RLF: variants seen among roughly 807,000 people sequenced by gnomAD.
The protein encoded by RLF is zinc finger protein Rlf.
Under a neutral mutation model 162.9 loss-of-function variants are expected in RLF, and 7 were observed. That is an observed-to-expected ratio of 0.04 (90% CI 0.02 to 0.08). The LOEUF is 0.08. RLF is among the 10% of genes least tolerant of loss of function. The pLI is 1.00. For missense variants in RLF, 1,664 were observed against 2,244.7 expected, an observed-to-expected ratio of 0.74 and a Z score of 5.23; for synonymous variants, 782 against 791.5, an observed-to-expected ratio of 0.99 and a Z score of 0.20.
chr1:40,170,202 C>G (rs918607092), intron 1 of RLF, among the ~76,000 whole-genome samples: 1 of 152,038 alleles, frequency 6.6e-6, no homozygotes, highest in African/African-American at 2.4e-5. Context: ...CTGCCTGCCA[C>G]TAGTTTTAAT....
intron 5 of RLF, among the ~76,000 whole-genome samples, chr1:40,207,993 C>G (rs749426509): frequency 6.6e-6 from 1 of 152,194 alleles, no homozygotes; most frequent in African/African-American, 2.4e-5. Context: ...GTGATTCTGT[C>G]CTGGCTCCTA....
intron 3 of RLF, among the ~76,000 whole-genome samples, chr1:40,191,446 G>T (rs1247441939): frequency 6.6e-6 from 1 of 151,850 alleles, no homozygotes; most frequent in African/African-American, 2.4e-5. Flanking sequence ...GCTCAGGCAG[G>T]ATAATCGCTT....
At chr1:40,226,319 G>A (rs1423156556) in intron 6 of RLF, among the ~76,000 whole-genome samples, 2 of 152,160 alleles carry the variant, frequency 1.3e-5, no homozygotes, top group Non-Finnish European at 2.9e-5. Context: ...TTTGAAAAAG[G>A]TGACCATTTT....
At chr1:40,177,232 C>T (rs139323506) in intron 1 of RLF, among the ~76,000 whole-genome samples, 246 of 151,860 alleles carry the variant, frequency 1.6e-3, no homozygotes, top group African/African-American at 5.7e-3. Context: ...GTGATCTGCC[C>T]GTGCTGGGAT....
chr1:40,240,442 T>C lies in RLF; in HGVS notation c.5740T>C (p.Ser1914Pro). 1.2e-6 allele frequency: 2 copies of C among 1,607,286 alleles called. No homozygotes were observed. Among genetic ancestry groups the C allele is most frequent in the Non-Finnish European group, 1.7e-6 (2 of 1,176,322 alleles). Residue 1914 changes from serine (S) to proline (P), a missense_variant, in exon 8 of 8, where the codon TCA becomes CCA. This residue lies in a region of RLF where 27 missense variants were observed against 52.5 expected (regional missense o/e 0.51). Coordinates refer to ENST00000372771, the MANE Select transcript of RLF (RefSeq NM_012421.4). The part of the protein sequence containing the change: ...KKTDELCVGS[S>P] Reference sequence around the variant, plus strand: ...GACAGATGAGCTTTGTGTAGGAAGTTCATAAGTAGCAATTTTGTTTTAGTA... The same window carrying C: ...GACAGATGAGCTTTGTGTAGGAAGTCCATAAGTAGCAATTTTGTTTTAGTA...
At chr1:40,196,152 T>A (rs1052862597) in intron 4 of RLF, among the ~76,000 whole-genome samples, 1 of 151,524 alleles carries the variant, frequency 6.6e-6, no homozygotes, top group Non-Finnish European at 1.5e-5. Context: ...CTCGGCTCAC[T>A]GCAACCTCTG....
intron 4 of RLF, among the ~76,000 whole-genome samples, chr1:40,202,058 T>TA (rs1642725839): frequency 6.6e-6 from 1 of 152,188 alleles, no homozygotes; most frequent in Non-Finnish European, 1.5e-5. Flanking sequence ...TTCCTAACCT[T>TA]AGACTGGGGA....
In RLF at chr1:40,237,843, C is replaced by T. The variant is rs1210588863; in HGVS notation, c.3141C>T (p.Ser1047=). 1 of 1,614,094 alleles carries T rather than the reference C, an allele frequency of 6.2e-7. No homozygotes were observed. The highest frequency in any genetic ancestry group is 2.2e-5 in the East Asian group (1 of 44,884). ...ATCAAGGTTATTCCTCAGAATCCTC[C>T]ATTTGTGCTTCTAAAAGGCCCTGTA... ...REHQGYSSES[S]ICASKRPCTE... The change falls in exon 8 of 8, where the codon TCC becomes TCT. Residue 1047 remains serine (S), a synonymous_variant. Transcript: ENST00000372771. The surrounding 1 kb of genome is among the most constrained non-coding windows in gnomAD (Gnocchi z 4.4).
rs374297731 is a variant in RLF at position 40,173,664 on chromosome 1, T to C, written c.237+12028T>C. Among the ~76,000 whole-genome samples, 13 of 152,062 alleles carry C rather than the reference T, an allele frequency of 8.5e-5. 1 individual carries two copies. Among genetic ancestry groups the C allele is most frequent in the East Asian group, 3.9e-4 (2 of 5,160 alleles). On this transcript the variant is annotated intron_variant, in intron 1 of 7. Transcript: ENST00000372771. ...GAGTAGCTGGGATTACAGGTGTGTG[T>C]CATCACACCCAGCTAATTTTTTGTA...
chr1:40,203,417 C>T (rs765073255), intron 5 of RLF, among the ~76,000 whole-genome samples: 6 of 151,702 alleles, frequency 4.0e-5, no homozygotes, highest in Non-Finnish European at 8.8e-5. Context: ...GTGGTGGGCG[C>T]CTGTAATCCC....
At position 40,238,460 on chromosome 1, in the gene RLF, C is replaced by G. The variant is rs1363182641; in HGVS notation, c.3758C>G (p.Ser1253Cys). Reference protein sequence around the residue: ...HCHPKKDECSSETDLESSCEE... With the variant: ...HCHPKKDECSCETDLESSCEE... ...CATCCTAAAAAGGATGAATGTAGTT[C>G]TGAAACAGATTTGGAATCATCTTGT... The change falls in exon 8 of 8, where the codon TCT (serine) becomes TGT (cysteine). Residue 1253 changes from serine to cysteine, a missense_variant. By Grantham distance (112) the Ser-to-Cys change is moderately radical. This residue lies in a region of RLF where 102 missense variants were observed against 109.5 expected (regional missense o/e 0.93). Transcript: ENST00000372771. This position sits in a 1 kb window ranked among gnomAD's most constrained non-coding sequence, Gnocchi z 5.2. The G allele has an allele frequency of 1.2e-6, 2 of 1,614,052 alleles. No homozygotes were observed. Among genetic ancestry groups the G allele is most frequent in the Admixed American group, 1.7e-5 (1 of 60,016 alleles).
intron 1 of RLF, among the ~76,000 whole-genome samples, chr1:40,185,675 A>T (rs1328225549): frequency 7.0e-6 from 1 of 142,170 alleles, no homozygotes; most frequent in African/African-American, 2.5e-5. Flanking sequence ...AAAAAAAAAA[A>T]AAATTAGCCG....
intron 1 of RLF, among the ~76,000 whole-genome samples, chr1:40,172,691 A>T (rs1197958654): frequency 1.3e-5 from 2 of 152,180 alleles, no homozygotes; most frequent in African/African-American, 4.8e-5. Context: ...GGTTGAACCC[A>T]GGAGGCAGAG....
At chr1:40,229,923 T>C (rs1643131540) in intron 6 of RLF, among the ~76,000 whole-genome samples, 1 of 151,966 alleles carries the variant, frequency 6.6e-6, no homozygotes, top group Non-Finnish European at 1.5e-5. Context: ...GAGACCAGCC[T>C]GACCAACATG....
At chr1:40,198,561 G>A (rs1275661758) in intron 4 of RLF, among the ~76,000 whole-genome samples, 2 of 152,082 alleles carry the variant, frequency 1.3e-5, no homozygotes, top group South Asian at 2.1e-4. Context: ...TCAGCCTCCC[G>A]AAGTGCTGGG....
rs1282933904 is a variant in RLF at position 40,236,920 on chromosome 1, C to A, written c.2218C>A (p.Gln740Lys). ...REHEQVHCGP[Q>K]PYMCVSIDCY... ...GCACGAACAAGTGCATTGTGGGCCT[C>A]AGCCTTATATGTGTGTATCTATAGA... Residue 740 changes from glutamine (Q) to lysine (K), a missense_variant, in exon 8 of 8, where the codon CAG becomes AAG. By Grantham distance (53) the Gln-to-Lys change is moderately conservative (BLOSUM62 1). Around this residue, in one of 15 missense-constraint regions of RLF, gnomAD observed 69 missense variants for 206.4 expected, o/e 0.33. Transcript: ENST00000372771. This position sits in a 1 kb window ranked among gnomAD's most constrained non-coding sequence, Gnocchi z 7.7. The A allele has an allele frequency of 6.2e-7, 1 of 1,614,062 alleles. No homozygotes were observed. The highest frequency in any genetic ancestry group is 8.5e-7 in the Non-Finnish European group (1 of 1,180,034).
At position 40,220,184 on chromosome 1, in the gene RLF, C is replaced by T. The variant is rs143907437; in HGVS notation, c.811-2390C>T. Among the ~76,000 whole-genome samples, 866 of 152,166 alleles carry T rather than the reference C, an allele frequency of 5.7e-3. 3 individuals are homozygous for T. The highest frequency in any genetic ancestry group is 0.029 in the South Asian group (140 of 4,818). On this transcript the variant is annotated intron_variant, in intron 5 of 7. Transcript: ENST00000372771. ...CAGAGGTTGCAGTGAGCCAAGATCA[C>T]GCCACTGCAGTCCAGCCTGGGCAAC...
intron 5 of RLF, among the ~76,000 whole-genome samples, chr1:40,212,506 T>C (rs1439103842): frequency 6.6e-6 from 1 of 152,208 alleles, no homozygotes; most frequent in African/African-American, 2.4e-5. Context: ...TATTTTTTCA[T>C]TACTGAAAGG....
At chr1:40,233,076 C>T (rs1446952183) in intron 7 of RLF, among the ~76,000 whole-genome samples, 1 of 138,994 alleles carries the variant, frequency 7.2e-6, no homozygotes, top group Non-Finnish European at 1.5e-5. Flanking sequence ...GCCTGGGCGA[C>T]AGAGTGAGAC....
Sources: allele counts gnomAD v4.1 joint callset (sites outside exome capture counted in the v4.1 genomes callset), GRCh38; gene constraint gnomAD v4.1.1; regional missense constraint gnomAD v4.1.1; non-coding constraint Gnocchi (gnomAD v3.1); transcripts MANE v1.5; gene names NCBI Gene and HGNC (gene_info 2026-07-23, HGNC 2026-07-21).